The following DLGAP1 variants were observed in gnomAD, a reference collection of about 807,000 sequenced individuals.
DLGAP1 encodes DLG associated protein 1, also known as disks large-associated protein 1.
Under a neutral mutation model 90.8 loss-of-function variants are expected in DLGAP1, and 11 were observed. That is an observed-to-expected ratio of 0.12 (90% CI 0.08 to 0.20). The LOEUF (loss-of-function observed/expected upper bound fraction) is 0.20. Among genes scored for constraint, DLGAP1 ranks in the 10% least tolerant of loss-of-function variants. The pLI, the probability that DLGAP1 is intolerant of heterozygous loss-of-function variation, is 1.00. For missense variants in DLGAP1, 1,050 were observed against 1,333.8 expected (o/e 0.79, Z 3.31); for synonymous variants, 558 against 540.7 (o/e 1.03, Z -0.44).
At chr18:4,294,350 G>A (rs2079923320) in intron 1 of DLGAP1, 1 of 152,242 alleles carries the variant, frequency 6.6e-6, no homozygotes, top group Admixed American at 6.5e-5. Context: ...ATTCCACAGG[G>A]TTGAGAGTCA....
chr18:4,146,611 G>A (rs2076589354), intron 2 of DLGAP1, among the ~76,000 whole-genome samples: 1 of 152,210 alleles, frequency 6.6e-6, no homozygotes, highest in South Asian at 2.1e-4. Flanking sequence ...TAATAACAAA[G>A]TTGGGGCTAG....
chr18:3,860,053 T>C lies in DLGAP1; in HGVS notation c.957+19059A>G, dbSNP rs1207751228. Among the ~76,000 whole-genome samples the C allele has an allele frequency of 3.4e-5, 5 of 147,104 alleles. No individual in the cohort carries two copies. The East Asian group carries it at 7.8e-4, about 23-fold the overall frequency. ...GGTGGAGCTTGCAGTGAGCCGAGAT[T>C]GCGCCACTGCACTCCAGCCTGGGCG... On this transcript the variant is annotated intron_variant, in intron 4 of 12. Transcript: ENST00000315677.
At chr18:4,347,853 A>G (rs949964384) in intron 1 of DLGAP1, among the ~76,000 whole-genome samples, 5 of 152,128 alleles carry the variant, frequency 3.3e-5, no homozygotes, top group Non-Finnish European at 7.4e-5. Flanking sequence ...GAATTGGTAG[A>G]GAAGAGGTAA....
intron 1 of DLGAP1, among the ~76,000 whole-genome samples, chr18:4,436,757 G>A (rs973509685): frequency 6.6e-6 from 1 of 152,156 alleles, no homozygotes; most frequent in South Asian, 2.1e-4. Context: ...CTTGGATTCA[G>A]CAAGACATCT....
At chr18:4,067,291 G>T (rs957832452) in intron 2 of DLGAP1, among the ~76,000 whole-genome samples, 1 of 151,726 alleles carries the variant, frequency 6.6e-6, no homozygotes. Flanking sequence ...AAATTTACCT[G>T]TGTAACAAAT....
chr18:4,276,228 C>A (rs1348060011), intron 1 of DLGAP1, among the ~76,000 whole-genome samples: 3 of 149,800 alleles, frequency 2.0e-5, no homozygotes, highest in African/African-American at 7.4e-5. Flanking sequence ...GAAATAGGAT[C>A]ATAATTATGT....
At chr18:3,637,881 T>G (rs184676412) in intron 7 of DLGAP1, among the ~76,000 whole-genome samples, 1,521 of 152,006 alleles carry the variant, frequency 0.01, 19 homozygotes, top group Non-Finnish European at 0.016. Context: ...ACCTAATGTA[T>G]TTTCAATTCA....
chr18:4,342,686 T>C lies in DLGAP1; in HGVS notation c.-267+112320A>G, dbSNP rs946202285. ...GTTAATACTACATTTGCCACAAATC[T>C]GCAGATGTATGTTGAAAGATTTGAC... On this transcript the variant is annotated intron_variant, in intron 1 of 12. Transcript: ENST00000315677. This position sits in a 1 kb window ranked among gnomAD's most constrained non-coding sequence, Gnocchi z 5.8. 1.3e-5 allele frequency among the ~76,000 whole-genome samples: 2 copies of C among 152,232 alleles called. No individual in the cohort carries two copies. Among genetic ancestry groups the C allele is most frequent in the East Asian group, 3.9e-4 (2 of 5,190 alleles).
chr18:3,673,186 G>A (rs1020505207), intron 7 of DLGAP1, among the ~76,000 whole-genome samples: 5 of 152,112 alleles, frequency 3.3e-5, no homozygotes, highest in East Asian at 3.9e-4. Flanking sequence ...TGCCTGGGGA[G>A]CCCCTCCCCA....
chr18:4,427,091 G>GA (rs1315695383), intron 1 of DLGAP1, among the ~76,000 whole-genome samples: 1 of 152,128 alleles, frequency 6.6e-6, no homozygotes, highest in African/African-American at 2.4e-5. Flanking sequence ...AACTAAGAAA[G>GA]AAAACTTTCA....
intron 4 of DLGAP1, among the ~76,000 whole-genome samples, chr18:3,856,886 C>T (rs1161249044): frequency 1.3e-5 from 2 of 151,836 alleles, no homozygotes; most frequent in African/African-American, 4.8e-5. Flanking sequence ...AGAAACACAG[C>T]TGATTATTTA....
At chr18:4,440,834 C>A (rs909129299) in intron 1 of DLGAP1, among the ~76,000 whole-genome samples, 2 of 152,160 alleles carry the variant, frequency 1.3e-5, no homozygotes, top group Non-Finnish European at 2.9e-5. Flanking sequence ...ATTTAACGTG[C>A]CTCTTTCTTG....
At chr18:3,903,104 C>T (rs565485683) in intron 3 of DLGAP1, among the ~76,000 whole-genome samples, 3 of 152,160 alleles carry the variant, frequency 2.0e-5, no homozygotes, top group Admixed American at 2.0e-4. Flanking sequence ...TCTTGGAAGG[C>T]AAGAACCAGT....
intron 3 of DLGAP1, among the ~76,000 whole-genome samples, chr18:4,003,612 G>A (rs539621350): frequency 6.6e-4 from 100 of 152,142 alleles, no homozygotes; most frequent in Non-Finnish European, 9.7e-4. Flanking sequence ...TGGCATTTGG[G>A]GTGAAAGTGT....
At chr18:3,994,236 C>CTGGT (rs2074024567) in intron 3 of DLGAP1, among the ~76,000 whole-genome samples, 1 of 152,178 alleles carries the variant, frequency 6.6e-6, no homozygotes, top group Non-Finnish European at 1.5e-5. Context: ...CCTCCCTGTG[C>CTGGT]TGGTGTTTCA....
chr18:3,996,929 A>G (rs1198186379), intron 3 of DLGAP1, among the ~76,000 whole-genome samples: 1 of 151,758 alleles, frequency 6.6e-6, no homozygotes, highest in Non-Finnish European at 1.5e-5. Flanking sequence ...ATTGATGTTT[A>G]GGACTACACT....
intron 8 of DLGAP1, among the ~76,000 whole-genome samples, chr18:3,579,862 C>T (rs1276668176): frequency 6.6e-6 from 1 of 152,142 alleles, no homozygotes; most frequent in Non-Finnish European, 1.5e-5. Context: ...TGTGTTATTG[C>T]TTTCCACACT....
intron 1 of DLGAP1, among the ~76,000 whole-genome samples, chr18:4,167,037 A>G (rs2076944965): frequency 6.6e-6 from 1 of 152,228 alleles, no homozygotes; most frequent in African/African-American, 2.4e-5. Flanking sequence ...TACATTATGT[A>G]TATTTTACCA....
At chr18:4,103,337 T>C (rs1179848967) in intron 2 of DLGAP1, among the ~76,000 whole-genome samples, 2 of 152,182 alleles carry the variant, frequency 1.3e-5, no homozygotes, top group African/African-American at 2.4e-5. Context: ...GTATAATATA[T>C]CACAAAAGTT....
Sources: allele counts gnomAD v4.1 joint callset (sites outside exome capture counted in the v4.1 genomes callset), GRCh38; gene constraint gnomAD v4.1.1; non-coding constraint Gnocchi (gnomAD v3.1); transcripts MANE v1.5; gene names NCBI Gene and HGNC (gene_info 2026-07-23, HGNC 2026-07-21).